The following PTPRM variants were observed in gnomAD, a reference collection of about 807,000 sequenced individuals.
The protein encoded by PTPRM is protein tyrosine phosphatase receptor type M.
Under a neutral mutation model 186.7 loss-of-function variants are expected in PTPRM, and 47 were observed. That is an observed-to-expected ratio of 0.25 (90% confidence interval 0.20 to 0.32). The LOEUF is 0.32. PTPRM is among the 10% of genes least tolerant of loss of function. PTPRM has a pLI of 1.00. For synonymous variants in PTPRM, 668 were observed against 674.9 expected (o/e 0.99, Z 0.16); for missense variants, 1,494 against 1,865.0 (o/e 0.80, Z 3.66).
intron 1 of PTPRM, among the ~76,000 whole-genome samples, chr18:7,768,436 T>G (rs2042115903): frequency 6.6e-6 from 1 of 152,104 alleles, no homozygotes; most frequent in African/African-American, 2.4e-5. Context: ...AAGGCTATAG[T>G]GAGCTAGGAC....
At chr18:7,603,825 G>T (rs900763406) in intron 1 of PTPRM, among the ~76,000 whole-genome samples, 3 of 152,194 alleles carry the variant, frequency 2.0e-5, no homozygotes, top group African/African-American at 7.2e-5. Flanking sequence ...CTGCTGCTGT[G>T]TGGCACCCTG....
At position 8,228,104 on chromosome 18, in the gene PTPRM, T is replaced by C. The variant is rs535063073; in HGVS notation, c.2301-15954T>C. Among the ~76,000 whole-genome samples the C allele has an allele frequency of 2.0e-4, 30 of 152,332 alleles. 1 individual carries two copies. The highest frequency in any genetic ancestry group is 1.8e-3 in the Admixed American group (28 of 15,296). Reference sequence around the variant, plus strand: ...GTTAGGCGCTCACGTGAGCTGTGGGTTACTCCCAAGTGGAGGGTGTTGTTT... The same window carrying C: ...GTTAGGCGCTCACGTGAGCTGTGGGCTACTCCCAAGTGGAGGGTGTTGTTT... On this transcript the variant is annotated intron_variant, in intron 14 of 32. Coordinates refer to ENST00000580170, the MANE Select transcript of PTPRM (RefSeq NM_001105244.2).
chr18:8,103,432 C>T lies in PTPRM; in HGVS notation c.1857-10054C>T, dbSNP rs540396036. The stretch of plus-strand genomic sequence containing the variant: ...GCTTCTACATCAGCACTTGCTGCTT[C>T]GCTTTGTACTTTTATGTTATGAAGA... On this transcript the variant is annotated intron_variant, in intron 11 of 32. Transcript: ENST00000580170. Among the ~76,000 whole-genome samples, 6 of 152,334 alleles carry T rather than the reference C, an allele frequency of 3.9e-5. No homozygotes were observed. The East Asian group carries it at 7.7e-4, about 20-fold the overall frequency.
chr18:7,844,508 A>G (rs1875063848), intron 2 of PTPRM, among the ~76,000 whole-genome samples: 1 of 152,196 alleles, frequency 6.6e-6, no homozygotes, highest in Admixed American at 6.5e-5. Flanking sequence ...GGACGGGCAG[A>G]GGAGAACTTT....
At chr18:7,767,073 G>A (rs538857870) in intron 1 of PTPRM, among the ~76,000 whole-genome samples, 1 of 152,268 alleles carries the variant, frequency 6.6e-6, no homozygotes, top group African/African-American at 2.4e-5. Context: ...TTCGCAAAAT[G>A]GTAGCTGTTG....
intron 1 of PTPRM, among the ~76,000 whole-genome samples, chr18:7,596,139 G>C (rs1290943801): frequency 5.3e-5 from 8 of 152,068 alleles, no homozygotes; most frequent in African/African-American, 1.9e-4. Flanking sequence ...TTGTGCTTTG[G>C]GGCCCTTATG....
chr18:8,373,986 T>C (rs114706563), intron 24 of PTPRM, among the ~76,000 whole-genome samples: 3,197 of 152,126 alleles, frequency 0.021, 42 homozygotes, highest in Middle Eastern at 0.041. Flanking sequence ...AATTGGGAGG[T>C]ATTTGGGCTG....
At chr18:8,389,280 A>C (rs2095796985) in intron 31 of PTPRM, among the ~76,000 whole-genome samples, 1 of 152,190 alleles carries the variant, frequency 6.6e-6, no homozygotes, top group African/African-American at 2.4e-5. Flanking sequence ...TCAGTGCTTT[A>C]ACCCACAGGA....
intron 14 of PTPRM, among the ~76,000 whole-genome samples, chr18:8,174,791 T>C (rs1290041169): frequency 6.6e-6 from 1 of 152,200 alleles, no homozygotes; most frequent in Non-Finnish European, 1.5e-5. Context: ...TTCACAGACT[T>C]CCTGCATGTG....
intron 2 of PTPRM, among the ~76,000 whole-genome samples, chr18:7,841,023 C>T (rs1006694112): frequency 1.3e-5 from 2 of 152,048 alleles, no homozygotes; most frequent in Non-Finnish European, 2.9e-5. Context: ...AAAAATCAGG[C>T]TCATTATTTT....
intron 2 of PTPRM, among the ~76,000 whole-genome samples, chr18:7,813,464 G>A: frequency 6.6e-6 from 1 of 152,056 alleles, no homozygotes; most frequent in South Asian, 2.1e-4. Flanking sequence ...CAACATTCTT[G>A]GTAACCACGT....
chr18:7,984,209 C>T (rs1190539757), intron 7 of PTPRM, among the ~76,000 whole-genome samples: 2 of 152,092 alleles, frequency 1.3e-5, no homozygotes, highest in South Asian at 4.1e-4. Flanking sequence ...AATGCAACCA[C>T]CTTCTTGAGG....
chr18:8,173,783 C>T lies in PTPRM; in HGVS notation c.2300+30004C>T, dbSNP rs562241507. ...TCAAAAGACATCTCAAAAGGCCAAT[C>T]TTAGGATGGATGTGGTGGCTCACCC... On this transcript the variant is annotated intron_variant, in intron 14 of 32. Coordinates refer to ENST00000580170, the MANE Select transcript of PTPRM (RefSeq NM_001105244.2). Among the ~76,000 whole-genome samples, 91 of 152,236 alleles carry T rather than the reference C, an allele frequency of 6.0e-4. No individual in the cohort carries two copies. The South Asian group carries it at 0.013, about 22-fold the overall frequency.
chr18:8,041,529 T>C (rs1229033851), intron 7 of PTPRM, among the ~76,000 whole-genome samples: 1 of 152,230 alleles, frequency 6.6e-6, no homozygotes, highest in Non-Finnish European at 1.5e-5. Flanking sequence ...TCTTCTTTCT[T>C]ATAAGATGTG....
chr18:8,396,965 T>G (rs1295034327), intron 32 of PTPRM, among the ~76,000 whole-genome samples: 1 of 152,222 alleles, frequency 6.6e-6, no homozygotes, highest in East Asian at 1.9e-4. Context: ...GAGAATTAAT[T>G]AGCTTAGGCC....
rs1344820337 is a variant in PTPRM at position 8,172,862 on chromosome 18, A to G, written c.2300+29083A>G. Among the ~76,000 whole-genome samples, 3 of 152,212 alleles carry G rather than the reference A, an allele frequency of 2.0e-5. No homozygotes were observed. In the East Asian group the frequency reaches 5.8e-4, roughly 29 times the overall value. On this transcript the variant is annotated intron_variant, in intron 14 of 32. Coordinates refer to ENST00000580170, the MANE Select transcript of PTPRM (RefSeq NM_001105244.2). ...GTCTCGAAAGGGTCCCAGATGAACT[A>G]ACTCACCTGGCACTGTAATTAATTG...
chr18:7,567,849 T>G lies in PTPRM; in HGVS notation c.31T>G (p.Leu11Val). The G allele has an allele frequency of 6.4e-7, 1 of 1,563,630 alleles. No homozygotes were observed. Among genetic ancestry groups the G allele is most frequent in the Non-Finnish European group, 8.6e-7 (1 of 1,158,486 alleles). ...GGGACTTGGGACTTGCCTGGCGACT[T>G]TGGCCGGACTTTTGCTAACTGCGGC... MRGLGTCLAT[L>V]AGLLLTAAGE... Residue 11 changes from leucine to valine, a missense_variant, in exon 1 of 33, where the codon TTG (leucine) becomes GTG (valine). Physicochemically the swap from Leu to Val is conservative, Grantham distance 32. Transcript: ENST00000580170. The surrounding 1 kb of genome is among the most constrained non-coding windows in gnomAD (Gnocchi z 4.3).
At chr18:7,712,176 T>C (rs560632299) in intron 1 of PTPRM, among the ~76,000 whole-genome samples, 6 of 152,284 alleles carry the variant, frequency 3.9e-5, no homozygotes, top group Admixed American at 1.3e-4. Flanking sequence ...CAGGCAGCTA[T>C]CTTTACTGTT....
At chr18:8,202,934 A>G (rs1030699725) in intron 14 of PTPRM, among the ~76,000 whole-genome samples, 8 of 152,146 alleles carry the variant, frequency 5.3e-5, no homozygotes, top group South Asian at 2.1e-4. Context: ...CTCTTCTTCC[A>G]TGAAGGGACT....
Sources: gnomAD v4.1 joint callset for allele counts (sites outside exome capture counted in the v4.1 genomes callset) on GRCh38, gnomAD v4.1.1 for gene constraint, Gnocchi (gnomAD v3.1) non-coding constraint, MANE v1.5 for transcripts, NCBI Gene and HGNC (gene_info 2026-07-23, HGNC 2026-07-21) for gene names.